The following JAKMIP3 variants were observed in gnomAD, a reference collection of about 807,000 sequenced individuals.
The protein encoded by JAKMIP3 is Janus kinase and microtubule interacting protein 3.
Under a neutral mutation model 118.5 loss-of-function variants are expected in JAKMIP3, and 58 were observed. The observed-to-expected ratio is 0.49, with a 90% CI of 0.40 to 0.61. The LOEUF (loss-of-function observed/expected upper bound fraction) is 0.61. Ranked by LOEUF, JAKMIP3 falls within the 20% of genes least tolerant of loss-of-function variation. The probability of loss-of-function intolerance (pLI) is 0.00; values close to 1 mark genes in which losing one functional copy is unlikely to be tolerated. For missense variants in JAKMIP3, 950 were observed against 1,109.0 expected (o/e 0.86, Z 2.04); for synonymous variants, 486 against 451.2 (o/e 1.08, Z -0.98).
intron 1 of JAKMIP3, among the ~76,000 whole-genome samples, chr10:132,038,491 G>A (rs2037592929): frequency 6.6e-6 from 1 of 152,160 alleles, no homozygotes; most frequent in South Asian, 2.1e-4. Context: ...AAAAGAAATA[G>A]CGATGATCAA....
rs1554963446 is a variant in JAKMIP3, at chr10:132,180,756, T to TGTGTGTGTGC, written c.*1104-1598_*1104-1597insTGTGTGCGTG. 7.2e-3 allele frequency among the ~76,000 whole-genome samples: 225 copies of TGTGTGTGTGC among 31,078 alleles called. 94 individuals carry two copies. The highest frequency in any genetic ancestry group is 9.0e-3 in the Non-Finnish European group (155 of 17,236). The allele number at this position is 31,078 out of a possible 152,430, so 20.4% of individuals were successfully genotyped here. A position where few individuals can be genotyped will look rare whatever the true frequency, so the allele number is the denominator to read the frequency against. ...GTGTGTGCGTGCGTGCGCGCGCGTG[T>TGTGTGTGTGC]GTGCGTGTGTGTGCGTGTGTGTGTG... is the stretch of plus-strand genomic sequence containing the variant. On this transcript the variant is annotated intron_variant, in intron 23 of 23. Coordinates refer to ENST00000684848, the MANE Select transcript of JAKMIP3 (RefSeq NM_001323087.2).
chr10:132,073,560 G>A (rs1379542564), intron 1 of JAKMIP3, among the ~76,000 whole-genome samples: 2 of 148,576 alleles, frequency 1.3e-5, no homozygotes, highest in South Asian at 2.1e-4. Context: ...GCAGTGATGC[G>A]ATCTCAGCTC....
chr10:132,084,416 A>T (rs2042136112), intron 1 of JAKMIP3, among the ~76,000 whole-genome samples: 1 of 152,182 alleles, frequency 6.6e-6, no homozygotes, highest in Admixed American at 6.5e-5. Context: ...GAATTATTTT[A>T]TCAGTTCTAG....
At chr10:132,105,453 G>A (rs751857765) in intron 2 of JAKMIP3, among the ~76,000 whole-genome samples, 5 of 152,092 alleles carry the variant, frequency 3.3e-5, no homozygotes, top group Admixed American at 1.3e-4. Flanking sequence ...GGAGGCCCAC[G>A]ATGGCCTCTG....
chr10:132,076,618 G>A (rs186539952), intron 1 of JAKMIP3, among the ~76,000 whole-genome samples: 4 of 151,802 alleles, frequency 2.6e-5, no homozygotes, highest in Admixed American at 1.3e-4. Context: ...ACTGGCCTGC[G>A]GTGACCCTGG....
chr10:132,140,558 C>G lies in JAKMIP3; in HGVS notation c.1452C>G (p.Thr484=). 1 of 1,611,670 alleles carries G rather than the reference C, an allele frequency of 6.2e-7. No individual in the cohort carries two copies. The highest frequency in any genetic ancestry group is 8.5e-7 in the Non-Finnish European group (1 of 1,178,916). ...ACAGGACGGACCAGACCCCGTGCAC[C>G]CCGGACGATGACTTGGAGGAGGTAA... ...QTDRTDQTPC[T]PDDDLEEGMA... is the part of the protein sequence containing the mutation. Residue 484 remains threonine, a synonymous_variant, in exon 10 of 24, where the codon ACC becomes ACG. Transcript: ENST00000684848.
At position 132,117,003 on chromosome 10, in the gene JAKMIP3, C is replaced by CT; in HGVS notation, c.136-74_136-73insT. ...AGTGTGTGCAACGTGGAAGCTCCCC[C>CT]AAATGCACATTCAGGTGTGAGTGTG... On this transcript the variant is annotated intron_variant, in intron 2 of 23. Transcript: ENST00000684848. The surrounding 1 kb of genome is among the most constrained non-coding windows in gnomAD (Gnocchi z 8.6). The CT allele has an allele frequency of 6.6e-7, 1 of 1,508,640 alleles. No individual in the cohort carries two copies. The highest frequency in any genetic ancestry group is 8.9e-7 in the Non-Finnish European group (1 of 1,118,544). 93.5% of individuals were successfully genotyped at this position (1,508,640 alleles called of 1,614,324 possible).
At chr10:132,105,011 C>T in intron 2 of JAKMIP3, 68 bp downstream of exon 2, 1 of 1,520,040 alleles carries the variant, frequency 6.6e-7, no homozygotes, top group Non-Finnish European at 8.9e-7. Context: ...CCCAGAGGCT[C>T]TTCCTGGAGT....
At chr10:132,108,640 C>T (rs1218310292) in intron 2 of JAKMIP3, among the ~76,000 whole-genome samples, 1 of 151,100 alleles carries the variant, frequency 6.6e-6, no homozygotes, top group African/African-American at 2.4e-5. Context: ...ACCTGCTCTT[C>T]TCCTACCTGG....
intron 1 of JAKMIP3, among the ~76,000 whole-genome samples, chr10:132,042,184 C>CTTCCTTCCTTCCTTCCTTCCT (rs1554909339): frequency 0.043 from 5,725 of 132,064 alleles, 240 homozygotes; most frequent in South Asian, 0.051. Context: ...TGCTCGCTCG[C>CTTCCTTCCTTCCTTCCTTCCT]TCCTTCCTTC....
At chr10:132,158,006 G>A (rs2057299679) in intron 19 of JAKMIP3, among the ~76,000 whole-genome samples, 1 of 152,026 alleles carries the variant, frequency 6.6e-6, no homozygotes, top group Non-Finnish European at 1.5e-5. Flanking sequence ...GCATTACTTT[G>A]AGGTGTGTGT....
At chr10:132,119,615 G>T (rs75221861) in intron 3 of JAKMIP3, among the ~76,000 whole-genome samples, 6 of 152,136 alleles carry the variant, frequency 3.9e-5, no homozygotes, top group Non-Finnish European at 8.8e-5. Context: ...TTATAAAAAG[G>T]CTTCATTTCT....
intron 13 of JAKMIP3, among the ~76,000 whole-genome samples, chr10:132,146,839 T>A (rs1406916895): frequency 6.6e-6 from 1 of 152,198 alleles, no homozygotes; most frequent in Admixed American, 6.5e-5. Context: ...AGAAGTGCGT[T>A]TCCACAGGGC....
intron 1 of JAKMIP3, among the ~76,000 whole-genome samples, chr10:132,077,184 AG>A (rs1405125347): frequency 6.6e-6 from 1 of 152,096 alleles, no homozygotes; most frequent in Non-Finnish European, 1.5e-5. Context: ...TTAGCCTAGA[AG>A]GGGTAGATCC....
intron 1 of JAKMIP3, among the ~76,000 whole-genome samples, chr10:132,047,519 G>C (rs1020839525): frequency 1.3e-5 from 2 of 152,194 alleles, no homozygotes; most frequent in African/African-American, 4.8e-5. Context: ...CAGCCACAGT[G>C]CATTTGCCAA....
At chr10:132,100,794 A>G (rs1241099841) in intron 1 of JAKMIP3, among the ~76,000 whole-genome samples, 1 of 144,638 alleles carries the variant, frequency 6.9e-6, no homozygotes, top group Admixed American at 6.9e-5. Flanking sequence ...GGCATGAGGA[A>G]CCCCGGCCGC....
Position 132,117,052 on chromosome 10 carries a change from A to C in JAKMIP3, c.136-25A>C. 1.9e-6 allele frequency: 3 copies of C among 1,584,620 alleles called. No homozygotes were observed. The highest frequency in any genetic ancestry group is 1.7e-6 in the Non-Finnish European group (2 of 1,161,694). On this transcript the variant is annotated intron_variant, in intron 2 of 23. Coordinates refer to ENST00000684848, the MANE Select transcript of JAKMIP3 (RefSeq NM_001323087.2). The surrounding 1 kb of genome is among the most constrained non-coding windows in gnomAD (Gnocchi z 8.6). The stretch of plus-strand genomic sequence containing the variant: ...TGTGCATGGCTGGAGCTCCTGCCAC[A>C]CTCAGTCTCGCTGTTGTCTTTCAGG...
intron 2 of JAKMIP3, among the ~76,000 whole-genome samples, chr10:132,109,372 T>C (rs7919682): frequency 0.66 from 99,963 of 152,036 alleles, 33,333 homozygotes; most frequent in East Asian, 0.9. Context: ...GAAAAGAATA[T>C]GGCAGACAGG....
chr10:132,043,263 G>T (rs566642607), intron 1 of JAKMIP3, among the ~76,000 whole-genome samples: 1 of 152,126 alleles, frequency 6.6e-6, no homozygotes, highest in African/African-American at 2.4e-5. Context: ...GGAGTGTAGT[G>T]GTGTGATGTG....
Sources: gnomAD v4.1 joint callset for allele counts (sites outside exome capture counted in the v4.1 genomes callset) on GRCh38, gnomAD v4.1.1 for gene constraint, Gnocchi (gnomAD v3.1) non-coding constraint, MANE v1.5 for transcripts, NCBI Gene and HGNC (gene_info 2026-07-23, HGNC 2026-07-21) for gene names.